The following NCAM2 variants were observed in gnomAD, a reference collection of about 807,000 sequenced individuals.
NCAM2 encodes the protein N-CAM-2.
In NCAM2, 30 loss-of-function variants were observed where a neutral mutation model predicts 98.1. The ratio of observed to expected loss-of-function variants is 0.31; its 90% CI spans 0.23 to 0.41. The LOEUF is 0.41. Among genes scored for constraint, NCAM2 ranks in the 10% least tolerant of loss-of-function variants. The probability of loss-of-function intolerance (pLI) is 1.00; values close to 1 mark genes in which losing one functional copy is unlikely to be tolerated. For missense variants in NCAM2, 867 were observed against 1,005.8 expected (o/e 0.86, Z 1.87); for synonymous variants, 368 against 342.4 (o/e 1.07, Z -0.83).
At chr21:21,345,590 TA>T (rs997062354) in intron 8 of NCAM2, among the ~76,000 whole-genome samples, 35 of 150,864 alleles carry the variant, frequency 2.3e-4, no homozygotes, top group Middle Eastern at 3.4e-3. Context: ...AAAAAAAGAA[TA>T]AAAAAAATGA....
chr21:21,346,382 A>G (rs767068665), intron 8 of NCAM2, among the ~76,000 whole-genome samples: 36 of 152,126 alleles, frequency 2.4e-4, no homozygotes, highest in Non-Finnish European at 4.4e-4. Context: ...ACCCAGATAC[A>G]TAATGGAAAT....
At chr21:21,421,336 C>T (rs2077106329) in intron 11 of NCAM2, among the ~76,000 whole-genome samples, 2 of 40,560 alleles carry the variant, frequency 4.9e-5, no homozygotes. Context: ...TCTGTCCAAA[C>T]ATAATAAAAA....
chr21:21,125,456 A>G (rs1429865059), intron 1 of NCAM2, among the ~76,000 whole-genome samples: 3 of 44,256 alleles, frequency 6.8e-5, no homozygotes, highest in Non-Finnish European at 1.2e-4. Flanking sequence ...TATTACATAT[A>G]TAGAGACAGA....
chr21:21,305,303 G>C (rs2073846996), intron 5 of NCAM2, among the ~76,000 whole-genome samples: 1 of 152,046 alleles, frequency 6.6e-6, no homozygotes, highest in South Asian at 2.1e-4. Context: ...GGGCGATAGA[G>C]CAAGACTTTG....
intron 12 of NCAM2, among the ~76,000 whole-genome samples, chr21:21,461,410 T>C (rs1053163421): frequency 6.6e-6 from 1 of 151,908 alleles, no homozygotes; most frequent in Non-Finnish European, 1.5e-5. Flanking sequence ...AATTGTTTAT[T>C]TTGAGTATAA....
intron 1 of NCAM2, among the ~76,000 whole-genome samples, chr21:21,116,015 TTGTGTGTG>T (rs3071992): frequency 0.085 from 12,487 of 146,088 alleles, 589 homozygotes; most frequent in Middle Eastern, 0.13. Flanking sequence ...CATGCTGAGA[TTGTGTGTG>T]TGTGTGTGTG....
chr21:21,404,151 TC>T (rs1381288031), intron 9 of NCAM2, among the ~76,000 whole-genome samples: 1 of 152,158 alleles, frequency 6.6e-6, no homozygotes, highest in African/African-American at 2.4e-5. Context: ...ATTATGCCTC[TC>T]AACAAATAAA....
At chr21:21,221,710 C>T (rs1400104311) in intron 1 of NCAM2, among the ~76,000 whole-genome samples, 1 of 152,076 alleles carries the variant, frequency 6.6e-6, no homozygotes, top group Non-Finnish European at 1.5e-5. Flanking sequence ...AAAAAGAAGC[C>T]ATCTTCATAA....
At chr21:21,345,372 AT>A (rs1017495922) in intron 8 of NCAM2, among the ~76,000 whole-genome samples, 1 of 152,134 alleles carries the variant, frequency 6.6e-6, no homozygotes, top group African/African-American at 2.4e-5. Flanking sequence ...ACTAAAAAAA[AT>A]CAAGATGACA....
chr21:21,308,392 T>C lies in NCAM2; in HGVS notation c.620-15991T>C, dbSNP rs370132471. On this transcript the variant is annotated intron_variant, in intron 5 of 17. Transcript: ENST00000400546. ...ATATAAAATACATTTTTGCTGGATA[T>C]AGAATTCTAAATGAACAGATTTTAT... Among the ~76,000 whole-genome samples, 76 of 152,218 alleles carry C rather than the reference T, an allele frequency of 5.0e-4. 2 individuals carry two copies. In the East Asian group the frequency reaches 0.01, roughly 20 times the overall value.
chr21:21,184,508 G>C (rs905132040), intron 1 of NCAM2, among the ~76,000 whole-genome samples: 1 of 152,014 alleles, frequency 6.6e-6, no homozygotes, highest in African/African-American at 2.4e-5. Flanking sequence ...TCCCCTTATA[G>C]ATTAGGATTT....
rs1602451623 is a variant in NCAM2, at chr21:21,475,692, C to T, written c.1897-1599C>T. Among the ~76,000 whole-genome samples the T allele has an allele frequency of 2.0e-5, 3 of 152,080 alleles. No homozygotes were observed. In the South Asian group the frequency reaches 6.2e-4, roughly 31 times the overall value. Reference sequence around the variant, plus strand: ...GGCCATTTTTATAAAAACAGATATTCCTGAGTTTCAAAAATCAAGGCAAGT... The same window carrying T: ...GGCCATTTTTATAAAAACAGATATTTCTGAGTTTCAAAAATCAAGGCAAGT... On this transcript the variant is annotated intron_variant, in intron 14 of 17. Transcript: ENST00000400546.
chr21:21,152,251 T>A (rs546036953), intron 1 of NCAM2, among the ~76,000 whole-genome samples: 1 of 152,044 alleles, frequency 6.6e-6, no homozygotes, highest in Non-Finnish European at 1.5e-5. Flanking sequence ...TTTGTACTTA[T>A]AGCTTTAAAG....
intron 1 of NCAM2, among the ~76,000 whole-genome samples, chr21:21,037,941 A>G (rs2064830660): frequency 6.6e-6 from 1 of 152,206 alleles, no homozygotes; most frequent in African/African-American, 2.4e-5. Context: ...GGATATATTA[A>G]TGTAGACAAT....
intron 5 of NCAM2, among the ~76,000 whole-genome samples, chr21:21,308,457 C>T (rs1044245095): frequency 1.1e-4 from 17 of 152,050 alleles, no homozygotes; most frequent in African/African-American, 3.1e-4. Context: ...TTATGTTTGC[C>T]TGAGTTTTTT....
intron 12 of NCAM2, among the ~76,000 whole-genome samples, chr21:21,457,723 A>T (rs918912719): frequency 3.3e-5 from 5 of 152,114 alleles, no homozygotes; most frequent in African/African-American, 9.7e-5. Context: ...CTTGTGTGTG[A>T]TGGAATCAGA....
chr21:21,107,039 T>C (rs1027956178), intron 1 of NCAM2, among the ~76,000 whole-genome samples: 2 of 152,144 alleles, frequency 1.3e-5, no homozygotes, highest in African/African-American at 4.8e-5. Context: ...AGATCAAATC[T>C]AAAATCAGTA....
intron 1 of NCAM2, among the ~76,000 whole-genome samples, chr21:21,158,482 G>A (rs527313077): frequency 1.3e-5 from 2 of 152,058 alleles, no homozygotes; most frequent in Admixed American, 6.6e-5. Flanking sequence ...GTTGTGGCAC[G>A]TGCCTGTAGT....
intron 1 of NCAM2, among the ~76,000 whole-genome samples, chr21:21,277,044 C>T (rs567656899): frequency 1.3e-5 from 2 of 151,942 alleles, no homozygotes; most frequent in African/African-American, 2.4e-5. Context: ...CTTTCAAGTT[C>T]TTTTTTATAA....
Sources: gnomAD v4.1 joint callset for allele counts (sites outside exome capture counted in the v4.1 genomes callset) on GRCh38, gnomAD v4.1.1 for gene constraint, MANE v1.5 for transcripts, NCBI Gene and HGNC (gene_info 2026-07-23, HGNC 2026-07-21) for gene names.